MEGF11: variants seen among roughly 807,000 people sequenced by gnomAD.
MEGF11 encodes the protein multiple EGF like domains 11.
Under a neutral mutation model 146.6 loss-of-function variants are expected in MEGF11, and 126 were observed. The ratio of observed to expected loss-of-function variants is 0.86; its 90% confidence interval spans 0.74 to 1.00. The LOEUF (loss-of-function observed/expected upper bound fraction) is 1.00. Among genes scored for constraint, MEGF11 ranks in the 50% least tolerant of loss-of-function variants. The pLI, the probability that MEGF11 is intolerant of heterozygous loss-of-function variation, is 0.00. For synonymous variants in MEGF11, 532 were observed against 583.4 expected (o/e 0.91, Z 1.27); for missense variants, 1,509 against 1,521.2 (o/e 0.99, Z 0.13).
intron 7 of MEGF11, among the ~76,000 whole-genome samples, chr15:65,975,876 A>C (rs1257184344): frequency 6.6e-6 from 1 of 152,078 alleles, no homozygotes; most frequent in African/African-American, 2.4e-5. Context: ...GACTGAGAAG[A>C]GTAGAAGAGA....
At chr15:66,016,653 A>G (rs2082898155) in intron 5 of MEGF11, among the ~76,000 whole-genome samples, 1 of 152,176 alleles carries the variant, frequency 6.6e-6, no homozygotes, top group Admixed American at 6.5e-5. Context: ...CACCTTCAAA[A>G]CGACAAGTTT....
At position 65,915,569 on chromosome 15, in the gene MEGF11, A is replaced by T. The variant is rs770151597; in HGVS notation, c.2374T>A (p.Cys792Ser). Residue 792 changes from cysteine (C) to serine (S), a missense_variant, in exon 19 of 26, where the codon TGT becomes AGT. Cys to Ser is a moderately radical substitution (Grantham distance 112). Transcript: ENST00000395614. ...TTCATGCACTCACATAGCTGCTGAC[A>T]CCCATAGCCAAAGGTTCCTGGGGCA... ...RCAPGTFGYG[C>S]QQLCECMNNS... The T allele has an allele frequency of 1.2e-6, 2 of 1,613,926 alleles. No homozygotes were observed. Among genetic ancestry groups the T allele is most frequent in the Admixed American group, 3.3e-5 (2 of 60,012 alleles).
rs943401145 is a variant in MEGF11 at position 65,896,044 on chromosome 15, C to T, written c.*1890G>A. Reference sequence around the variant, plus strand: ...ACCTGGGATTGAGTTGAAGTTTCTCCTTGCTGATCTGACATCTTCATGCTG... The same window carrying T: ...ACCTGGGATTGAGTTGAAGTTTCTCTTTGCTGATCTGACATCTTCATGCTG... On this transcript the variant is annotated 3_prime_UTR_variant, in exon 26 of 26. Coordinates refer to ENST00000395614, the MANE Select transcript of MEGF11 (RefSeq NM_001385028.1). 1 of 152,244 alleles carries T rather than the reference C, an allele frequency of 6.6e-6. No individual in the cohort carries two copies. The highest frequency in any genetic ancestry group is 2.4e-5 in the African/African-American group (1 of 41,458). 9.4% of individuals were successfully genotyped at this position (152,244 alleles called of 1,614,324 possible). A position where few individuals can be genotyped will look rare whatever the true frequency, so the allele number is the denominator to read the frequency against.
chr15:66,112,390 A>C (rs2087474817), intron 4 of MEGF11, among the ~76,000 whole-genome samples: 1 of 152,238 alleles, frequency 6.6e-6, no homozygotes, highest in Non-Finnish European at 1.5e-5. Context: ...CAGGTTAATT[A>C]GCAGAACCAC....
chr15:66,063,258 T>A (rs2084979292), intron 5 of MEGF11, among the ~76,000 whole-genome samples: 1 of 152,196 alleles, frequency 6.6e-6, no homozygotes. Context: ...CCCTGGAGGC[T>A]TTTGAGCAGA....
chr15:65,912,894 T>C (rs1020249525), intron 20 of MEGF11, among the ~76,000 whole-genome samples: 5 of 152,160 alleles, frequency 3.3e-5, no homozygotes, highest in Non-Finnish European at 4.4e-5. Flanking sequence ...AAGCACAAGA[T>C]GCAGGAGGCT....
intron 4 of MEGF11, among the ~76,000 whole-genome samples, chr15:66,109,009 G>A (rs535303338): frequency 1.3e-5 from 2 of 152,206 alleles, no homozygotes; most frequent in Admixed American, 1.3e-4. Flanking sequence ...ATCCACAGCT[G>A]GTGATTAAGA....
chr15:66,225,413 C>T (rs941216420), intron 1 of MEGF11, among the ~76,000 whole-genome samples: 2 of 152,240 alleles, frequency 1.3e-5, no homozygotes, highest in African/African-American at 2.4e-5. Context: ...GGTAATATGG[C>T]CTTCAAGAGC....
At chr15:66,202,428 G>C (rs1458307319) in intron 1 of MEGF11, among the ~76,000 whole-genome samples, 1 of 152,186 alleles carries the variant, frequency 6.6e-6, no homozygotes, top group East Asian at 1.9e-4. Flanking sequence ...GTTCTCCTTG[G>C]TAACAGCCAC....
chr15:65,970,394 G>A (rs528811016), intron 8 of MEGF11, among the ~76,000 whole-genome samples, 159 bp downstream of exon 8: 26 of 152,290 alleles, frequency 1.7e-4, no homozygotes, highest in South Asian at 8.3e-4. Context: ...AGGGTGAGGA[G>A]GGATCAGGTG....
chr15:66,000,692 G>C (rs1418217024), intron 5 of MEGF11, among the ~76,000 whole-genome samples: 4 of 152,218 alleles, frequency 2.6e-5, no homozygotes, highest in African/African-American at 9.7e-5. Flanking sequence ...CTCCATACAG[G>C]AAATGGTTAG....
At chr15:66,163,436 G>A (rs2090009720) in intron 1 of MEGF11, among the ~76,000 whole-genome samples, 1 of 152,158 alleles carries the variant, frequency 6.6e-6, no homozygotes, top group Admixed American at 6.5e-5. Flanking sequence ...CTCCAGTGAT[G>A]GACTGGGCAG....
chr15:66,116,019 C>A (rs371356857), intron 4 of MEGF11, among the ~76,000 whole-genome samples: 11 of 152,188 alleles, frequency 7.2e-5, no homozygotes, highest in East Asian at 3.8e-4. Context: ...AATTGACACA[C>A]CCAACCCAGC....
At chr15:66,187,618 C>A (rs1330009622) in intron 1 of MEGF11, among the ~76,000 whole-genome samples, 1 of 152,224 alleles carries the variant, frequency 6.6e-6, no homozygotes, top group Non-Finnish European at 1.5e-5. Context: ...AAAGCACGGT[C>A]TCTCCTACCT....
chr15:65,948,424 G>A (rs1313869000), intron 10 of MEGF11, among the ~76,000 whole-genome samples: 3 of 151,868 alleles, frequency 2.0e-5, no homozygotes, highest in Non-Finnish European at 2.9e-5. Context: ...CCTGCATCTC[G>A]CTCAGTGCGC....
chr15:66,079,509 C>T (rs188655688), intron 5 of MEGF11, among the ~76,000 whole-genome samples: 112 of 149,654 alleles, frequency 7.5e-4, no homozygotes, highest in African/African-American at 2.7e-3. Context: ...AGCACCCTAA[C>T]AACCTCCACC....
intron 1 of MEGF11, among the ~76,000 whole-genome samples, chr15:66,145,032 G>A (rs559219343): frequency 2.6e-5 from 4 of 152,220 alleles, no homozygotes; most frequent in African/African-American, 4.8e-5. Flanking sequence ...CAGAATTCCC[G>A]GACAGCCCTG....
chr15:66,105,964 A>T (rs1477795), intron 4 of MEGF11, among the ~76,000 whole-genome samples: 1 of 152,090 alleles, frequency 6.6e-6, no homozygotes, highest in African/African-American at 2.4e-5. Flanking sequence ...CCAATGCAGG[A>T]TAAAGGCAAC....
chr15:65,964,510 G>A (rs1807452526), intron 9 of MEGF11, among the ~76,000 whole-genome samples: 1 of 146,490 alleles, frequency 6.8e-6, no homozygotes, highest in South Asian at 2.2e-4. Context: ...CACGCAAGTG[G>A]AGGGAAATAT....
Sources: allele counts gnomAD v4.1 joint callset (sites outside exome capture counted in the v4.1 genomes callset), GRCh38; gene constraint gnomAD v4.1.1; transcripts MANE v1.5; gene names NCBI Gene and HGNC (gene_info 2026-07-23, HGNC 2026-07-21).